Variants in SET observed in about 807,000 individuals in gnomAD.
SET encodes the protein protein SET.
In SET, 4 loss-of-function variants were observed where a neutral mutation model predicts 39.0. The observed-to-expected ratio is 0.10, with a 90% CI of 0.05 to 0.23. The LOEUF (loss-of-function observed/expected upper bound fraction) is 0.23. SET is among the 10% of genes least tolerant of loss of function. SET has a pLI of 1.00. For synonymous variants in SET, 114 were observed against 115.9 expected, an observed-to-expected ratio of 0.98 and a Z score of 0.11; for missense variants, 137 against 329.7, an observed-to-expected ratio of 0.42 and a Z score of 4.53.
chr9:128,688,360 G>C (rs966800493), upstream of SET, among the ~76,000 whole-genome samples: 4 of 152,212 alleles, frequency 2.6e-5, no homozygotes, highest in Non-Finnish European at 5.9e-5. Flanking sequence ...TAGTGGTTCA[G>C]AACTTTGCCT....
Position 128,691,041 on chromosome 9 carries a change from G to A in SET, c.74-129G>A, listed in dbSNP as rs1030017502. On this transcript the variant is annotated intron_variant, in intron 1 of 7. Coordinates refer to ENST00000322030, the MANE Select transcript of SET (RefSeq NM_003011.4). ...ATTAGTCAGCTACAAGCATGAACAT[G>A]TGGAACGCTTGCCTTTGTACTAGGC... The A allele has an allele frequency of 3.8e-5, 29 of 769,044 alleles. No individual in the cohort carries two copies. In the African/African-American group the frequency reaches 4.1e-4, roughly 11 times the overall value. The allele number at this position is 769,044 out of a possible 1,614,324, so 47.6% of individuals were successfully genotyped here.
At chr9:128,687,908 G>GTA (rs1554775511), upstream of SET, among the ~76,000 whole-genome samples, 1 of 152,056 alleles carries the variant, frequency 6.6e-6, no homozygotes, top group Non-Finnish European at 1.5e-5. Flanking sequence ...ATTGGCCAGC[G>GTA]TATCACTAAA....
upstream of SET, among the ~76,000 whole-genome samples, chr9:128,687,494 G>C (rs1449033651): frequency 1.3e-5 from 2 of 151,916 alleles, no homozygotes; most frequent in East Asian, 3.9e-4. Flanking sequence ...TGTAATCCTA[G>C]CAACTCAGGA....
At chr9:128,689,127 C>A, upstream of SET, 1 of 318,996 alleles carries the variant, frequency 3.1e-6, no homozygotes, top group Non-Finnish European at 4.5e-6. Flanking sequence ...GCCCCCTCAT[C>A]CCGCCGCCCA....
upstream of SET, chr9:128,685,028 G>C: frequency 3.4e-6 from 5 of 1,483,250 alleles, no homozygotes; most frequent in South Asian, 5.5e-5. Context: ...GATAGGCCCA[G>C]GGCCTGCAAG....
At chr9:128,685,200 A>G (rs773730265), upstream of SET, 2 of 1,600,594 alleles carry the variant, frequency 1.2e-6, no homozygotes, top group Admixed American at 3.4e-5. Flanking sequence ...CCAGCTTGAA[A>G]CCTACCTTGC....
intron 1 of SET, chr9:128,690,000 C>G (rs1564358945): frequency 1.6e-5 from 17 of 1,042,046 alleles, no homozygotes; most frequent in Non-Finnish European, 1.9e-5. Context: ...ATGCCTCGCT[C>G]CCATCAGCCG....
intron 5 of SET, 74 bp from the exon 6 acceptor site, chr9:128,693,564 C>G: frequency 7.0e-7 from 1 of 1,437,238 alleles, no homozygotes; most frequent in African/African-American, 1.4e-5. Flanking sequence ...TGGGGAAAAT[C>G]TTATTTTTTA....
At chr9:128,688,958 G>GTGCGA (rs1199469385), upstream of SET, among the ~76,000 whole-genome samples, 1 of 151,658 alleles carries the variant, frequency 6.6e-6, no homozygotes, top group Non-Finnish European at 1.5e-5. Context: ...CCGCGCCTCC[G>GTGCGA]TGCGACGCCC....
At chr9:128,688,501 A>G (rs1006004743), upstream of SET, among the ~76,000 whole-genome samples, 5 of 152,134 alleles carry the variant, frequency 3.3e-5, no homozygotes, top group Non-Finnish European at 7.3e-5. Flanking sequence ...GCTCAGTATG[A>G]TTCTTGCGGG....
At chr9:128,689,182 C>A, upstream of SET, 1 of 829,040 alleles carries the variant, frequency 1.2e-6, no homozygotes, top group Non-Finnish European at 1.5e-6. Flanking sequence ...GGAGGCGGAG[C>A]ATCCGCGCGG....
Position 128,693,620 on chromosome 9 carries a change from C to G in SET, c.493-18C>G. ...TTATGGAGAGATTGTATCAAAAGCTCTTCCGGTATTCATTTAGGATTTGAC... is the reference window on the plus strand; with the variant it reads ...TTATGGAGAGATTGTATCAAAAGCTGTTCCGGTATTCATTTAGGATTTGAC... On this transcript the variant is annotated intron_variant, in intron 5 of 7. Coordinates refer to ENST00000322030, the MANE Select transcript of SET (RefSeq NM_003011.4). 1 of 1,592,356 alleles carries G rather than the reference C, an allele frequency of 6.3e-7. No individual in the cohort carries two copies. Among genetic ancestry groups the G allele is most frequent in the South Asian group, 1.1e-5 (1 of 88,392 alleles).
At position 128,691,150 on chromosome 9, in the gene SET, T is replaced by G. The variant is rs1331850347; in HGVS notation, c.74-20T>G. ...AGGTAAATTTATCTTAGAATTAAGT[T>G]TTTTGCTCCTTTTTTGCAGAAAAAG... On this transcript the variant is annotated intron_variant, in intron 1 of 7. Transcript: ENST00000322030. 1.3e-6 allele frequency: 2 copies of G among 1,593,222 alleles called. No individual in the cohort carries two copies. Among genetic ancestry groups the G allele is most frequent in the Non-Finnish European group, 1.7e-6 (2 of 1,167,006 alleles).
At chr9:128,693,591 G>C (rs1400849223) in intron 5 of SET, 47 bp from the exon 6 acceptor site, 3 of 1,517,298 alleles carry the variant, frequency 2.0e-6, no homozygotes, top group Non-Finnish European at 2.7e-6. Context: ...AGGGAGTTTG[G>C]GTGTTATGGA....
upstream of SET, among the ~76,000 whole-genome samples, chr9:128,685,988 T>C (rs1861271390): frequency 6.6e-6 from 1 of 151,382 alleles, no homozygotes; most frequent in African/African-American, 2.4e-5. Flanking sequence ...GTTCGTGCCA[T>C]TGCACTCCAG....
At position 128,689,383 on chromosome 9, in the gene SET, C is replaced by A; in HGVS notation, c.-200C>A. On this transcript the variant is annotated 5_prime_UTR_variant, in exon 1 of 8. Coordinates refer to ENST00000322030, the MANE Select transcript of SET (RefSeq NM_003011.4). Reference sequence around the variant, plus strand: ...CGGGCCGGGGCCCGGCACGCCGCCCCAGCCCGTCCCTCGGCGTCAGGCCGC... The same window carrying A: ...CGGGCCGGGGCCCGGCACGCCGCCCAAGCCCGTCCCTCGGCGTCAGGCCGC... The A allele has an allele frequency of 1.0e-6, 1 of 983,208 alleles. No homozygotes were observed. The highest frequency in any genetic ancestry group is 4.7e-5 in the South Asian group (1 of 21,072). The allele number at this position is 983,208 out of a possible 1,614,324, so 60.9% of individuals were successfully genotyped here.
chr9:128,693,590 G>C, intron 5 of SET, 48 bp from the exon 6 acceptor site: 1 of 1,514,656 alleles, frequency 6.6e-7, no homozygotes, highest in South Asian at 1.3e-5. Flanking sequence ...TAGGGAGTTT[G>C]GGTGTTATGG....
Position 128,696,265 on chromosome 9 carries a change from T to C in SET, c.*1601T>C, listed in dbSNP as rs939008911. ...TTGATAAATGGAACTATTCCATCAATAGGCAAAAGTGTAACAACCTATCTA... is the reference window on the plus strand; with the variant it reads ...TTGATAAATGGAACTATTCCATCAACAGGCAAAAGTGTAACAACCTATCTA... On this transcript the variant is annotated 3_prime_UTR_variant, in exon 8 of 8. Coordinates refer to ENST00000322030, the MANE Select transcript of SET (RefSeq NM_003011.4). 4 of 199,776 alleles carry C rather than the reference T, an allele frequency of 2.0e-5. No individual in the cohort carries two copies. The highest frequency in any genetic ancestry group is 9.1e-5 in the African/African-American group (4 of 43,846). 12.4% of individuals were successfully genotyped at this position (199,776 alleles called of 1,614,324 possible).
At chr9:128,689,842 C>CG (rs555034621) in intron 1 of SET, 187 bp downstream of exon 1, 151,826 of 151,866 alleles carry the variant, frequency 1, 75,893 homozygotes, top group Middle Eastern at 1. Flanking sequence ...GCCTGGGTGG[C>CG]CCGCGCCGCG....
Sources: allele counts gnomAD v4.1 joint callset (sites outside exome capture counted in the v4.1 genomes callset), GRCh38; gene constraint gnomAD v4.1.1; transcripts MANE v1.5; gene names NCBI Gene and HGNC (gene_info 2026-07-23, HGNC 2026-07-21).